The following BPIFB4 variants were observed in gnomAD, a reference collection of about 807,000 sequenced individuals.
The protein encoded by BPIFB4 is BPI fold containing family B member 4, also known as BPI fold-containing family B member 4.
Under a neutral mutation model 69.2 loss-of-function variants are expected in BPIFB4, and 62 were observed. The ratio of observed to expected loss-of-function variants is 0.90; its 90% CI spans 0.73 to 1.11. The LOEUF (loss-of-function observed/expected upper bound fraction) is 1.11. Ranked by LOEUF, BPIFB4 falls within the 50% of genes least tolerant of loss-of-function variation. The pLI is 0.00. For synonymous variants in BPIFB4, 330 were observed against 332.7 expected (o/e 0.99, Z 0.09); for missense variants, 789 against 792.0 (o/e 1.00, Z 0.04).
rs56408311 is a variant in BPIFB4 at position 33,083,771 on chromosome 20, G to C, written c.574G>C (p.Gly192Arg). The change falls in exon 5 of 18, where the codon GGC (glycine) becomes CGC (arginine). Residue 192 changes from glycine to arginine, a missense_variant. Gly to Arg is a moderately radical substitution (Grantham distance 125, BLOSUM62 -2). Around this residue, in one of 3 missense-constraint regions of BPIFB4, gnomAD observed 611 missense variants for 575.4 expected, o/e 1.06. Coordinates refer to ENST00000375483, the MANE Select transcript of BPIFB4 (RefSeq NM_182519.3). Reference sequence around the variant, plus strand: ...CCTCGCAGGCCAAGGTGGCCTGCTCGGCGGAGGTGGTCTCCTTGGTGATGG... The same window carrying C: ...CCTCGCAGGCCAAGGTGGCCTGCTCCGCGGAGGTGGTCTCCTTGGTGATGG... The part of the protein sequence containing the change: ...GILAGQGGLL[G>R]GGGLLGDGGL... 1.9e-6 allele frequency: 3 copies of C among 1,613,914 alleles called. No homozygotes were observed. The highest frequency in any genetic ancestry group is 2.5e-6 in the Non-Finnish European group (3 of 1,179,912).
rs771748280 is a variant in BPIFB4, at chr20:33,086,111, C to T, written c.873C>T (p.Val291=). Residue 291 remains valine (V), a synonymous_variant, in exon 7 of 18, where the codon GTC becomes GTT. Coordinates refer to ENST00000375483, the MANE Select transcript of BPIFB4 (RefSeq NM_182519.3). ...ACCGCACGGGTTATCCTCGGCTGGT[C>T]ATTGAGCGATGTGACACCCTCCTAG... The part of the protein sequence containing the change: ...TMDRTGYPRL[V]IERCDTLLGG... 6.2e-7 allele frequency: 1 copy of T among 1,613,400 alleles called. No individual in the cohort carries two copies. The highest frequency in any genetic ancestry group is 1.7e-5 in the Admixed American group (1 of 60,010).
chr20:33,099,178 G>T (rs1568587052), intron 13 of BPIFB4, among the ~76,000 whole-genome samples: 1 of 152,076 alleles, frequency 6.6e-6, no homozygotes, highest in Admixed American at 6.6e-5. Flanking sequence ...TTGGGACTCT[G>T]GTCCCATCTG....
intron 12 of BPIFB4, among the ~76,000 whole-genome samples, chr20:33,096,749 G>C (rs977002619): frequency 4.6e-5 from 7 of 152,188 alleles, no homozygotes; most frequent in African/African-American, 1.4e-4. Flanking sequence ...ACTGCAGCAG[G>C]GGGGATTCAG....
chr20:33,111,392 C>A, intron 17 of BPIFB4, 22 bp from the exon 18 acceptor site: 29 of 1,613,986 alleles, frequency 1.8e-5, no homozygotes, highest in Non-Finnish European at 2.5e-5. Context: ...CCATCACCGG[C>A]TACTCTGTTC....
rs766117271 is a variant in BPIFB4, at chr20:33,089,503, C to A, written c.996C>A (p.Cys332Ter). ...VLADVLPDLL[C>*]PIVDVVLGLV... Reference sequence around the variant, plus strand: ...GTGCCATTTCTCCCCTGCAGCTCTGCCCCATCGTGGATGTGGTGCTGGGTC... The same window carrying A: ...GTGCCATTTCTCCCCTGCAGCTCTGACCCATCGTGGATGTGGTGCTGGGTC... The change falls in exon 9 of 18, where the codon TGC (cysteine) becomes TGA (stop). Residue 332 changes from cysteine (C) to a stop codon, truncating the protein, a stop_gained. Transcript: ENST00000375483. LOFTEE classifies it high-confidence loss of function. 2 of 1,614,106 alleles carry A rather than the reference C, an allele frequency of 1.2e-6. No individual in the cohort carries two copies. The highest frequency in any genetic ancestry group is 1.7e-6 in the Non-Finnish European group (2 of 1,180,028).
In BPIFB4 at chr20:33,104,804, CT is replaced by C; in HGVS notation, c.1681-5del. 1 of 1,614,032 alleles carries C rather than the reference CT, an allele frequency of 6.2e-7. No individual in the cohort carries two copies. The highest frequency in any genetic ancestry group is 8.5e-7 in the Non-Finnish European group (1 of 1,179,916). On this transcript the variant is annotated splice_polypyrimidine_tract_variant and splice_region_variant and intron_variant, in intron 15 of 17. Coordinates refer to ENST00000375483, the MANE Select transcript of BPIFB4 (RefSeq NM_182519.3). ...CCCAGGCTCTGTCCTCCTTCTTCCT[CT>C]GCAGATTGGCCTCATGGAGGTGCTG...
chr20:33,083,684 A>G lies in BPIFB4; in HGVS notation c.487A>G (p.Thr163Ala), dbSNP rs767954146. The change falls in exon 5 of 18, where the codon ACT becomes GCT. Residue 163 changes from threonine (T) to alanine (A), a missense_variant. By Grantham distance (58) the Thr-to-Ala change is moderately conservative (BLOSUM62 0). Coordinates refer to ENST00000375483, the MANE Select transcript of BPIFB4 (RefSeq NM_182519.3). ...TGGAGAAATCCCACCTGGAGTTGCC[A>G]CTGGGGCGGTGGGCCCAGGTGGTTT... ...QPGEIPPGVA[T>A]GAVGPGGLLG... 7 of 1,614,018 alleles carry G rather than the reference A, an allele frequency of 4.3e-6. No individual in the cohort carries two copies. The highest frequency in any genetic ancestry group is 5.9e-6 in the Non-Finnish European group (7 of 1,179,954).
intron 12 of BPIFB4, among the ~76,000 whole-genome samples, chr20:33,095,654 G>A (rs1981734817): frequency 1.3e-5 from 2 of 152,160 alleles, no homozygotes; most frequent in South Asian, 4.1e-4. Flanking sequence ...TATGACCTTA[G>A]ATGCACAATT....
chr20:33,104,963 C>T, intron 16 of BPIFB4, 90 bp downstream of exon 16: 1 of 1,312,988 alleles, frequency 7.6e-7, no homozygotes, highest in Non-Finnish European at 1.1e-6. Context: ...GTGCATCTAT[C>T]CTACCTCAAT....
rs221983 is a variant in BPIFB4 at position 33,081,661 on chromosome 20, T to G, written c.106+29T>G. 3 of 1,550,448 alleles carry G rather than the reference T, an allele frequency of 1.9e-6. No individual in the cohort carries two copies. The African/African-American group carries it at 4.1e-5, about 21-fold the overall frequency. ...AGTCCAGCCCCAAAGGGGTGAGGGT[T>G]GGCATGGGGTGAGCAGGGCAGCTCT... On this transcript the variant is annotated intron_variant, in intron 3 of 17. Coordinates refer to ENST00000375483, the MANE Select transcript of BPIFB4 (RefSeq NM_182519.3).
In BPIFB4 at chr20:33,083,348, C is replaced by A. The variant is rs188926006; in HGVS notation, c.170-19C>A. 1.5e-4 allele frequency: 234 copies of A among 1,605,598 alleles called. No individual in the cohort carries two copies. The highest frequency in any genetic ancestry group is 1.9e-4 in the Non-Finnish European group (227 of 1,174,868). On this transcript the variant is annotated intron_variant, in intron 4 of 17. Coordinates refer to ENST00000375483, the MANE Select transcript of BPIFB4 (RefSeq NM_182519.3). ...CCGACACCATTACAATGACTACAGACGCATTGAATTCCCCCGAGGTGTTGG... is the reference window on the plus strand; with the variant it reads ...CCGACACCATTACAATGACTACAGAAGCATTGAATTCCCCCGAGGTGTTGG...
intron 8 of BPIFB4, 53 bp downstream of exon 8, chr20:33,089,082 AG>A: frequency 6.2e-7 from 1 of 1,612,110 alleles, no homozygotes; most frequent in Non-Finnish European, 8.5e-7. Context: ...CCCCAGACTG[AG>A]GGGCCATAGT....
At chr20:33,093,646 C>T (rs866563796) in intron 11 of BPIFB4, among the ~76,000 whole-genome samples, 2 of 98,874 alleles carry the variant, frequency 2.0e-5, no homozygotes, top group Admixed American at 1.2e-4. Context: ...CTCATCAACC[C>T]GACCATCCAT....
At chr20:33,093,299 C>G (rs184130235) in intron 11 of BPIFB4, among the ~76,000 whole-genome samples, 22 of 151,498 alleles carry the variant, frequency 1.5e-4, no homozygotes, top group Non-Finnish European at 2.2e-4. Context: ...ATTTATCCAT[C>G]CACCCATCCA....
chr20:33,101,062 G>A (rs761931), intron 14 of BPIFB4, among the ~76,000 whole-genome samples: 1 of 151,882 alleles, frequency 6.6e-6, no homozygotes, highest in East Asian at 1.9e-4. Context: ...CAGTGATGAT[G>A]ATGAGGAGGA....
In BPIFB4 at chr20:33,100,463, A is replaced by G. The variant is rs780321437; in HGVS notation, c.1607A>G (p.Asp536Gly). 2.5e-6 allele frequency: 4 copies of G among 1,608,050 alleles called. No homozygotes were observed. The South Asian group carries it at 4.4e-5, about 18-fold the overall frequency. The change falls in exon 14 of 18, where the codon GAT (aspartate) becomes GGT (glycine). Residue 536 changes from aspartate to glycine, a missense_variant. Around this residue, in one of 3 missense-constraint regions of BPIFB4, gnomAD observed 170 missense variants for 193.6 expected, o/e 0.88. Coordinates refer to ENST00000375483, the MANE Select transcript of BPIFB4 (RefSeq NM_182519.3). ...EFLASFSTEG[D>G]KLMIDAKLEK... The stretch of plus-strand genomic sequence containing the variant: ...TTGGCCTCATTTTCCACAGAAGGAG[A>G]TAAGCTCATGATTGATGCCAAGCTG...
chr20:33,080,008 C>T (rs1404214856), intron 1 of BPIFB4, among the ~76,000 whole-genome samples: 2 of 152,200 alleles, frequency 1.3e-5, no homozygotes, highest in African/African-American at 4.8e-5. Flanking sequence ...AATCTTCCAT[C>T]GGTGCCCATC....
intron 16 of BPIFB4, 147 bp from the exon 17 acceptor site, chr20:33,107,597 C>G (rs1460774117): frequency 3.4e-6 from 2 of 592,714 alleles, no homozygotes; most frequent in Non-Finnish European, 6.1e-6. Flanking sequence ...GATTGTGCCA[C>G]TGCACTCCAG....
chr20:33,111,069 G>A (rs959157636), intron 17 of BPIFB4, among the ~76,000 whole-genome samples: 2 of 152,080 alleles, frequency 1.3e-5, no homozygotes, highest in Non-Finnish European at 2.9e-5. Context: ...ACCTGCCTCA[G>A]CCTCCCAAAG....
Sources: allele counts gnomAD v4.1 joint callset (sites outside exome capture counted in the v4.1 genomes callset), GRCh38; gene constraint gnomAD v4.1.1; regional missense constraint gnomAD v4.1.1; transcripts MANE v1.5; gene names NCBI Gene and HGNC (gene_info 2026-07-23, HGNC 2026-07-21).